Variants in PAX7 observed in about 807,000 individuals in gnomAD.
PAX7 encodes the protein paired box 7, also known as paired box protein Pax-7.
A neutral mutation model predicts 50.7 loss-of-function variants in PAX7; 18 were observed. The ratio of observed to expected loss-of-function variants is 0.36; its 90% CI spans 0.25 to 0.53. The LOEUF (loss-of-function observed/expected upper bound fraction) is 0.53. Among genes scored for constraint, PAX7 ranks in the 20% least tolerant of loss-of-function variants. PAX7 has a pLI of 0.93. For synonymous variants in PAX7, 310 were observed against 290.4 expected, an observed-to-expected ratio of 1.07 and a Z score of -0.69; for missense variants, 644 against 702.9, an observed-to-expected ratio of 0.92 and a Z score of 0.95.
intron 7 of PAX7, among the ~76,000 whole-genome samples, chr1:18,716,285 C>T (rs1486384870): frequency 3.9e-5 from 6 of 152,306 alleles, no homozygotes; most frequent in Admixed American, 1.3e-4. Flanking sequence ...CTGCGCACCT[C>T]GGCCTTGTCA....
intron 7 of PAX7, among the ~76,000 whole-genome samples, chr1:18,711,365 A>T (rs1048568204): frequency 6.6e-6 from 1 of 152,008 alleles, no homozygotes; most frequent in African/African-American, 2.4e-5. Flanking sequence ...TGCCCTCGTC[A>T]CACCCCCCTC....
At chr1:18,659,344 G>A (rs2088568407) in intron 4 of PAX7, among the ~76,000 whole-genome samples, 1 of 152,166 alleles carries the variant, frequency 6.6e-6, no homozygotes. Context: ...AAGGGGAGGG[G>A]GCAGCCAGGC....
intron 4 of PAX7, among the ~76,000 whole-genome samples, chr1:18,672,962 C>T (rs935371767): frequency 6.6e-6 from 1 of 152,040 alleles, no homozygotes; most frequent in East Asian, 1.9e-4. Flanking sequence ...CACAGCACGG[C>T]GCTGATGCGG....
chr1:18,667,445 AGG>A (rs2088686796), intron 4 of PAX7, among the ~76,000 whole-genome samples: 1 of 144,050 alleles, frequency 6.9e-6, no homozygotes, highest in Non-Finnish European at 1.5e-5. Flanking sequence ...GAAGGAAGGA[AGG>A]AAGGAGCTTT....
At chr1:18,676,504 G>T (rs2088823902) in intron 4 of PAX7, among the ~76,000 whole-genome samples, 1 of 150,074 alleles carries the variant, frequency 6.7e-6, no homozygotes, top group Non-Finnish European at 1.5e-5. Context: ...GAGGGGAGGG[G>T]AGGGGAGGGG....
At chr1:18,695,076 G>T (rs899010577) in intron 5 of PAX7, among the ~76,000 whole-genome samples, 2 of 152,166 alleles carry the variant, frequency 1.3e-5, no homozygotes, top group South Asian at 4.1e-4. Context: ...TTGGTTCAGG[G>T]TAGGCTTGGA....
At chr1:18,717,746 C>T (rs1570220410) in intron 7 of PAX7, among the ~76,000 whole-genome samples, 1 of 152,326 alleles carries the variant, frequency 6.6e-6, no homozygotes, top group Admixed American at 6.5e-5. Context: ...CCTGGGCTCT[C>T]CTGAGGGTCT....
chr1:18,692,611 G>C (rs1374644441), intron 5 of PAX7, among the ~76,000 whole-genome samples: 1 of 152,208 alleles, frequency 6.6e-6, no homozygotes, highest in Non-Finnish European at 1.5e-5. Flanking sequence ...GGTTTGGGGA[G>C]TATAAGAATC....
intron 4 of PAX7, among the ~76,000 whole-genome samples, chr1:18,656,457 G>A (rs573159914): frequency 3.9e-5 from 6 of 152,104 alleles, no homozygotes; most frequent in South Asian, 2.1e-4. Context: ...CCGAGATACC[G>A]CCACTGCACT....
At chr1:18,716,818 C>G (rs569612670) in intron 7 of PAX7, among the ~76,000 whole-genome samples, 175 of 151,484 alleles carry the variant, frequency 1.2e-3, no homozygotes, top group African/African-American at 4.1e-3. Flanking sequence ...ACACCTCTTC[C>G]CCCTCCATCT....
At chr1:18,694,278 A>T (rs981544680) in intron 5 of PAX7, among the ~76,000 whole-genome samples, 1 of 152,000 alleles carries the variant, frequency 6.6e-6, no homozygotes, top group Admixed American at 6.6e-5. Context: ...CCTGACCAAC[A>T]TAGAAACCCT....
At chr1:18,663,971 G>C (rs534237845) in intron 4 of PAX7, among the ~76,000 whole-genome samples, 2 of 152,302 alleles carry the variant, frequency 1.3e-5, no homozygotes, top group East Asian at 1.9e-4. Flanking sequence ...AGGTGAAATG[G>C]GGGCTTAGAA....
At chr1:18,693,952 G>A (rs188632339) in intron 5 of PAX7, among the ~76,000 whole-genome samples, 170 of 152,310 alleles carry the variant, frequency 1.1e-3, no homozygotes, top group African/African-American at 3.9e-3. Flanking sequence ...AGAGGCAGCC[G>A]GAGCCCAGGC....
At chr1:18,701,931 C>A (rs1263552971) in intron 6 of PAX7, among the ~76,000 whole-genome samples, 1 of 152,126 alleles carries the variant, frequency 6.6e-6, no homozygotes, top group Non-Finnish European at 1.5e-5. Flanking sequence ...AGAAGGTGAG[C>A]CTTGTAGGGG....
At chr1:18,667,540 C>T in intron 4 of PAX7, among the ~76,000 whole-genome samples, 1 of 151,902 alleles carries the variant, frequency 6.6e-6, no homozygotes, top group Admixed American at 6.6e-5. Context: ...CTACGGAGCG[C>T]CAGGAGGACA....
rs975181796 is a variant in PAX7, at chr1:18,632,351, C to A, written c.85+663C>A. 6.6e-6 allele frequency among the ~76,000 whole-genome samples: 1 copy of A among 152,182 alleles called. No individual in the cohort carries two copies. The highest frequency in any genetic ancestry group is 2.1e-4 in the South Asian group (1 of 4,826). On this transcript the variant is annotated intron_variant, in intron 1 of 8. Coordinates refer to ENST00000420770, the MANE Select transcript of PAX7 (RefSeq NM_001135254.2). The surrounding 1 kb of genome is among the most constrained non-coding windows in gnomAD (Gnocchi z 6.3). ...CGGCGAGGTTTAGAGAACCTCTAAA[C>A]GGCGAGAGGGGCACGGCAATGTCCA...
intron 8 of PAX7, among the ~76,000 whole-genome samples, chr1:18,740,249 C>T (rs899685284): frequency 1.3e-5 from 2 of 152,162 alleles, no homozygotes; most frequent in Non-Finnish European, 2.9e-5. Flanking sequence ...CTGTTGGGTG[C>T]CCTTGAAGTT....
At chr1:18,744,535 ATGGAC>A (rs1931329105) in intron 8 of PAX7, among the ~76,000 whole-genome samples, 2 of 89,600 alleles carry the variant, frequency 2.2e-5, no homozygotes, top group Admixed American at 2.2e-4. Flanking sequence ...GGATGGATAG[ATGGAC>A]AGAATGGATG....
intron 7 of PAX7, among the ~76,000 whole-genome samples, chr1:18,716,846 CCCTT>C (rs2089430282): frequency 1.0e-5 from 1 of 100,368 alleles, no homozygotes; most frequent in Admixed American, 9.9e-5. Flanking sequence ...CTGCGCGCCC[CCCTT>C]GCCCTTGCCC....
Sources: gnomAD v4.1 joint callset for allele counts (sites outside exome capture counted in the v4.1 genomes callset) on GRCh38, gnomAD v4.1.1 for gene constraint, Gnocchi (gnomAD v3.1) non-coding constraint, MANE v1.5 for transcripts, NCBI Gene and HGNC (gene_info 2026-07-23, HGNC 2026-07-21) for gene names.